Variants in QSER1 observed in about 807,000 individuals in gnomAD.
QSER1 encodes the protein glutamine and serine rich 1, also known as glutamine and serine-rich protein 1.
In QSER1, 49 loss-of-function variants were observed where a neutral mutation model predicts 158.5. That is an observed-to-expected ratio of 0.31 (90% CI 0.25 to 0.39). QSER1 has a LOEUF of 0.39. QSER1 is among the 10% of genes least tolerant of loss of function. The probability of loss-of-function intolerance (pLI) is 1.00; values close to 1 mark genes in which losing one functional copy is unlikely to be tolerated. For missense variants in QSER1, 1,754 were observed against 2,010.3 expected, an observed-to-expected ratio of 0.87 and a Z score of 2.44; for synonymous variants, 650 against 715.5, an observed-to-expected ratio of 0.91 and a Z score of 1.46.
chr11:32,899,661 GA>G (rs140331725), intron 1 of QSER1, among the ~76,000 whole-genome samples: 2 of 146,350 alleles, frequency 1.4e-5, no homozygotes, highest in Non-Finnish European at 3.0e-5. Flanking sequence ...CCACAAAAAT[GA>G]AAAAAAAAAC....
chr11:32,967,559 T>C (rs1852774130), intron 9 of QSER1, among the ~76,000 whole-genome samples: 1 of 152,208 alleles, frequency 6.6e-6, no homozygotes, highest in Non-Finnish European at 1.5e-5. Flanking sequence ...CACCATTGTA[T>C]ATGTGGTCTG....
rs149473482 is a variant in QSER1 at position 32,973,683 on chromosome 11, G to A, written c.5358+134G>A. ...GAAGGTTTTTCAGGTAGGAATAAGC[G>A]TCACTGGCCTGAGGAACAGGGACGC... On this transcript the variant is annotated intron_variant, in intron 11 of 12. Transcript: ENST00000650167. 7.6e-4 allele frequency: 610 copies of A among 797,778 alleles called. 1 individual carries two copies. In the African/African-American group the frequency reaches 8.9e-3, roughly 12 times the overall value. 49.4% of individuals were successfully genotyped at this position (797,778 alleles called of 1,614,324 possible). A position where few individuals can be genotyped will look rare whatever the true frequency, so the allele number is the denominator to read the frequency against.
chr11:32,935,769 G>A (rs1852143984), intron 4 of QSER1, among the ~76,000 whole-genome samples: 2 of 152,120 alleles, frequency 1.3e-5, no homozygotes, highest in Admixed American at 1.3e-4. Context: ...TTCTTAGTTT[G>A]CCAATTTTAT....
At chr11:32,908,696 T>A (rs1851724280) in intron 1 of QSER1, among the ~76,000 whole-genome samples, 1 of 152,254 alleles carries the variant, frequency 6.6e-6, no homozygotes, top group Non-Finnish European at 1.5e-5. Context: ...GTTTCCACTT[T>A]TTGGTTATTG....
intron 4 of QSER1, among the ~76,000 whole-genome samples, chr11:32,948,496 G>C (rs1852372208): frequency 1.3e-5 from 2 of 152,156 alleles, no homozygotes; most frequent in Non-Finnish European, 2.9e-5. Flanking sequence ...GGGCATGTTG[G>C]CATGTGCCTG....
Position 32,977,464 on chromosome 11 carries a change from C to G in QSER1, c.*990C>G, listed in dbSNP as rs1468502283. 1 of 152,594 alleles carries G rather than the reference C, an allele frequency of 6.6e-6. No individual in the cohort carries two copies. Among genetic ancestry groups the G allele is most frequent in the Non-Finnish European group, 1.5e-5 (1 of 68,018 alleles). 9.5% of individuals were successfully genotyped at this position (152,594 alleles called of 1,614,324 possible). A position where few individuals can be genotyped will look rare whatever the true frequency, so the allele number is the denominator to read the frequency against. On this transcript the variant is annotated 3_prime_UTR_variant, in exon 13 of 13. Transcript: ENST00000650167. Reference sequence around the variant, plus strand: ...GTAATTTTCTAATTCATAAAATAAACTTCTTACTAAACTAGCACTTGATTA... The same window carrying G: ...GTAATTTTCTAATTCATAAAATAAAGTTCTTACTAAACTAGCACTTGATTA...
Position 32,933,953 on chromosome 11 carries a change from A to G in QSER1, c.2695A>G (p.Met899Val). The G allele has an allele frequency of 6.2e-7, 1 of 1,613,994 alleles. No homozygotes were observed. The highest frequency in any genetic ancestry group is 8.5e-7 in the Non-Finnish European group (1 of 1,179,970). The change falls in exon 4 of 13, where the codon ATG becomes GTG. Residue 899 changes from methionine to valine, a missense_variant. Physicochemically the swap from Met to Val is conservative, Grantham distance 21. Around this residue, in one of 2 missense-constraint regions of QSER1, gnomAD observed 1,707 missense variants for 1,919.6 expected, o/e 0.89. Transcript: ENST00000650167. The part of the protein sequence containing the change: ...PQQIVHPFLQ[M>V]EGHVIQSNGD... ...ACAAATAGTACATCCCTTCCTTCAG[A>G]TGGAAGGTCATGTTATTCAAAGCAA...
intron 1 of QSER1, among the ~76,000 whole-genome samples, chr11:32,904,189 CTTTTTTTTT>C (rs370789790): frequency 7.3e-6 from 1 of 137,230 alleles, no homozygotes; most frequent in African/African-American, 2.7e-5. Context: ...ATTTCTTTTT[CTTTTTTTTT>C]TTTTTTTGTA....
At chr11:32,958,276 C>A (rs1564944223) in intron 8 of QSER1, among the ~76,000 whole-genome samples, 190 bp downstream of exon 8, 1 of 152,178 alleles carries the variant, frequency 6.6e-6, no homozygotes, top group South Asian at 2.1e-4. Flanking sequence ...AGTTGGCCCA[C>A]ACATGCAGCC....
chr11:32,950,222 G>C (rs1852400379), intron 4 of QSER1, among the ~76,000 whole-genome samples: 1 of 152,010 alleles, frequency 6.6e-6, no homozygotes, highest in South Asian at 2.1e-4. Flanking sequence ...AGCCTCCCGA[G>C]TAGCTGAGAT....
chr11:32,971,147 A>G (rs945370350), intron 10 of QSER1, among the ~76,000 whole-genome samples: 5 of 151,696 alleles, frequency 3.3e-5, no homozygotes, highest in African/African-American at 1.2e-4. Flanking sequence ...TGAACTCCTG[A>G]CTTCAAGTGA....
intron 8 of QSER1, among the ~76,000 whole-genome samples, chr11:32,961,265 A>G (rs951296288): frequency 2.0e-5 from 3 of 152,144 alleles, no homozygotes; most frequent in African/African-American, 4.8e-5. Flanking sequence ...GCCTTCTCAG[A>G]TACTCATAGA....
chr11:32,911,479 T>A (rs907123182), intron 1 of QSER1, among the ~76,000 whole-genome samples: 5 of 151,898 alleles, frequency 3.3e-5, no homozygotes, highest in African/African-American at 1.2e-4. Flanking sequence ...TAAGATAGAG[T>A]TGATCCCTAT....
intron 8 of QSER1, among the ~76,000 whole-genome samples, chr11:32,963,386 C>A (rs1288668602): frequency 1.3e-5 from 2 of 152,068 alleles, no homozygotes. Flanking sequence ...GACGGAGTCT[C>A]GCACTATCGT....
chr11:32,929,264 A>C (rs1852014377), intron 3 of QSER1, among the ~76,000 whole-genome samples: 1 of 152,110 alleles, frequency 6.6e-6, no homozygotes, highest in Admixed American at 6.5e-5. Context: ...GGCATGCACC[A>C]CCACGCCCAG....
chr11:32,939,559 T>C (rs1447464474), intron 4 of QSER1, among the ~76,000 whole-genome samples: 1 of 152,242 alleles, frequency 6.6e-6, no homozygotes, highest in Non-Finnish European at 1.5e-5. Flanking sequence ...CTGTAGGTTC[T>C]ATTAACATCC....
intron 1 of QSER1, among the ~76,000 whole-genome samples, chr11:32,914,833 T>C: frequency 6.6e-6 from 1 of 152,358 alleles, no homozygotes; most frequent in Non-Finnish European, 1.5e-5. Flanking sequence ...TTTGTTATAG[T>C]GAAGTTGACT....
At position 32,978,166 on chromosome 11, in the gene QSER1, A is replaced by C. The variant is rs1015888117; in HGVS notation, c.*1692A>C. 3 of 152,622 alleles carry C rather than the reference A, an allele frequency of 2.0e-5. No homozygotes were observed. The East Asian group carries it at 5.8e-4, about 29-fold the overall frequency. 9.5% of individuals were successfully genotyped at this position (152,622 alleles called of 1,614,324 possible). On this transcript the variant is annotated 3_prime_UTR_variant, in exon 13 of 13. Transcript: ENST00000650167. Reference sequence around the variant, plus strand: ...TACTCAGTAATGGAAGTTTCTCTCAAGGGTTAAATGTTCCATTTTTGAAAG... The same window carrying C: ...TACTCAGTAATGGAAGTTTCTCTCACGGGTTAAATGTTCCATTTTTGAAAG...
intron 4 of QSER1, among the ~76,000 whole-genome samples, chr11:32,950,292 C>T (rs1251127537): frequency 6.6e-6 from 1 of 152,046 alleles, no homozygotes; most frequent in Non-Finnish European, 1.5e-5. Flanking sequence ...CGGGGTTTTA[C>T]CATGCTGGCC....
Sources: allele counts gnomAD v4.1 joint callset (sites outside exome capture counted in the v4.1 genomes callset), GRCh38; gene constraint gnomAD v4.1.1; regional missense constraint gnomAD v4.1.1; transcripts MANE v1.5; gene names NCBI Gene and HGNC (gene_info 2026-07-23, HGNC 2026-07-21).